Variants in TAGLN3 observed in about 807,000 individuals in gnomAD.
TAGLN3 encodes the protein transgelin-3.
Under a neutral mutation model 25.4 loss-of-function variants are expected in TAGLN3, and 12 were observed. That is an observed-to-expected ratio of 0.47 (90% confidence interval 0.30 to 0.77). The LOEUF is 0.77. TAGLN3 is among the 30% of genes least tolerant of loss of function. The pLI is 0.06. For missense variants in TAGLN3, 218 were observed against 255.8 expected (o/e 0.85, Z 1.01); for synonymous variants, 96 against 94.8 (o/e 1.01, Z -0.08).
intron 3 of TAGLN3, among the ~76,000 whole-genome samples, chr3:112,004,028 T>G (rs2107721316): frequency 6.6e-6 from 1 of 152,322 alleles, no homozygotes; most frequent in East Asian, 1.9e-4. Context: ...ATTGAAGGCT[T>G]TAAAATGAAA....
chr3:112,011,637 T>C (rs187671732), intron 3 of TAGLN3, 126 bp from the exon 4 acceptor site: 2 of 816,758 alleles, frequency 2.4e-6, no homozygotes, highest in East Asian at 5.4e-5. Flanking sequence ...TTGATAGCAC[T>C]GCTCCCTTGA....
At chr3:112,012,524 C>T (rs1188639624) in intron 4 of TAGLN3, among the ~76,000 whole-genome samples, 6 of 151,480 alleles carry the variant, frequency 4.0e-5, no homozygotes, top group African/African-American at 1.5e-4. Flanking sequence ...AGGCAGGAAG[C>T]TTAAACTGGG....
At chr3:111,999,380 GC>G in intron 1 of TAGLN3, 40 bp from the exon 2 acceptor site, 1 of 1,602,898 alleles carries the variant, frequency 6.2e-7, no homozygotes, top group Non-Finnish European at 8.5e-7. Flanking sequence ...TGCTGCTGCT[GC>G]TATTGTGTGG....
At chr3:112,011,392 T>C (rs914777359) in intron 3 of TAGLN3, among the ~76,000 whole-genome samples, 11 of 152,224 alleles carry the variant, frequency 7.2e-5, no homozygotes, top group African/African-American at 1.7e-4. Context: ...TTGTGTCACA[T>C]TGAGTGCTTT....
chr3:112,000,503 A>T, intron 2 of TAGLN3: 1 of 341,360 alleles, frequency 2.9e-6, no homozygotes, highest in Non-Finnish European at 5.3e-6. Flanking sequence ...ATCCAGAAAA[A>T]GGAAGGGAGG....
Position 112,013,701 on chromosome 3 carries a change from C to A in TAGLN3, c.*150C>A. On this transcript the variant is annotated 3_prime_UTR_variant, in exon 5 of 5. Coordinates refer to ENST00000478951, the MANE Select transcript of TAGLN3 (RefSeq NM_001008272.2). The stretch of plus-strand genomic sequence containing the variant: ...CAAGTGCTGCATTTCCGCCGAGAAT[C>A]CGCGTTGCCTACTGCTGCCACCTCC... 8.3e-7 allele frequency: 1 copy of A among 1,205,666 alleles called. No individual in the cohort carries two copies. The highest frequency in any genetic ancestry group is 1.2e-6 in the Non-Finnish European group (1 of 835,072). 74.7% of individuals were successfully genotyped at this position (1,205,666 alleles called of 1,614,324 possible).
In TAGLN3 at chr3:112,013,593, C is replaced by T. The variant is rs1392475449; in HGVS notation, c.*42C>T. 1 of 1,613,540 alleles carries T rather than the reference C, an allele frequency of 6.2e-7. No individual in the cohort carries two copies. The highest frequency in any genetic ancestry group is 2.2e-5 in the East Asian group (1 of 44,858). On this transcript the variant is annotated 3_prime_UTR_variant, in exon 5 of 5. Transcript: ENST00000478951. ...CCTGGTAGAGAGGACGAATGTTCCACACCATGGTCTCTACGAAAAAGAAAT... is the reference window on the plus strand; with the variant it reads ...CCTGGTAGAGAGGACGAATGTTCCATACCATGGTCTCTACGAAAAAGAAAT...
chr3:112,010,114 C>G (rs1197526016), intron 3 of TAGLN3, among the ~76,000 whole-genome samples: 1 of 151,914 alleles, frequency 6.6e-6, no homozygotes, highest in Non-Finnish European at 1.5e-5. Context: ...TTTCTAGATG[C>G]AGGGATACCA....
In TAGLN3 at chr3:112,011,810, G is replaced by T. The variant is rs994723214; in HGVS notation, c.403G>T (p.Val135Phe). The change falls in exon 4 of 5, where the codon GTT becomes TTT. Residue 135 changes from valine (V) to phenylalanine (F), a missense_variant. Val to Phe is a conservative substitution (Grantham distance 50, BLOSUM62 -1). Transcript: ENST00000478951. ...VQRTLMALGS[V>F]AVTKDDGCYR... Reference sequence around the variant, plus strand: ...GAGGACCCTGATGGCTTTAGGCAGCGTTGCAGTCACCAAGGATGATGGCTG... The same window carrying T: ...GAGGACCCTGATGGCTTTAGGCAGCTTTGCAGTCACCAAGGATGATGGCTG... 1.2e-6 allele frequency: 2 copies of T among 1,613,882 alleles called. No individual in the cohort carries two copies. Among genetic ancestry groups the T allele is most frequent in the Admixed American group, 3.3e-5 (2 of 59,996 alleles).
At chr3:112,001,051 G>GT in intron 3 of TAGLN3, 105 bp downstream of exon 3, 2 of 1,007,020 alleles carry the variant, frequency 2.0e-6, no homozygotes, top group Non-Finnish European at 3.0e-6. Flanking sequence ...ATTGATGTGT[G>GT]TAAGATGCTC....
At chr3:112,012,296 CTCCT>C (rs1160641541) in intron 4 of TAGLN3, among the ~76,000 whole-genome samples, 2 of 145,486 alleles carry the variant, frequency 1.4e-5, no homozygotes, top group Non-Finnish European at 3.0e-5. Flanking sequence ...CCCTCCCTCC[CTCCT>C]TCCTTCCTTC....
At chr3:112,010,714 G>A (rs906765126) in intron 3 of TAGLN3, among the ~76,000 whole-genome samples, 8 of 152,192 alleles carry the variant, frequency 5.3e-5, no homozygotes, top group East Asian at 1.9e-4. Flanking sequence ...CAGGATTCAG[G>A]CAATCACCCT....
chr3:112,006,985 G>C (rs547028591), intron 3 of TAGLN3, among the ~76,000 whole-genome samples: 1 of 152,232 alleles, frequency 6.6e-6, no homozygotes, highest in Non-Finnish European at 1.5e-5. Flanking sequence ...AGGGAGCTCT[G>C]TATTGTCAAG....
At chr3:112,007,593 C>T (rs2072931957) in intron 3 of TAGLN3, among the ~76,000 whole-genome samples, 1 of 152,156 alleles carries the variant, frequency 6.6e-6, no homozygotes, top group South Asian at 2.1e-4. Flanking sequence ...TTAGTTGATC[C>T]TTCTTTGAGG....
At chr3:112,002,016 G>A (rs966167190) in intron 3 of TAGLN3, among the ~76,000 whole-genome samples, 1 of 152,208 alleles carries the variant, frequency 6.6e-6, no homozygotes, top group African/African-American at 2.4e-5. Context: ...ATAGGTGAGT[G>A]GTTAAAATCC....
At position 112,011,384 on chromosome 3, in the gene TAGLN3, G is replaced by A. The variant is rs145616929; in HGVS notation, c.356-379G>A. On this transcript the variant is annotated intron_variant, in intron 3 of 4. Transcript: ENST00000478951. ...GCACAAAATAAAGGCCCTATCACTT[G>A]TGTCACATTGAGTGCTTTCTGTGTT... Among the ~76,000 whole-genome samples, 205 of 152,352 alleles carry A rather than the reference G, an allele frequency of 1.3e-3. 1 individual carries two copies. The highest frequency in any genetic ancestry group is 4.4e-3 in the African/African-American group (182 of 41,580).
chr3:111,999,341 C>G (rs2072825595), intron 1 of TAGLN3, 80 bp from the exon 2 acceptor site: 2 of 1,528,920 alleles, frequency 1.3e-6, no homozygotes, highest in African/African-American at 1.4e-5. Context: ...CCAGCCATAT[C>G]CCAGCCCCGT....
At chr3:112,012,220 T>TTCC (rs2072984062) in intron 4 of TAGLN3, among the ~76,000 whole-genome samples, 1 of 108,610 alleles carries the variant, frequency 9.2e-6, no homozygotes, top group African/African-American at 3.8e-5. Flanking sequence ...GCCTGGCTGC[T>TTCC]TCCCTCCCTC....
chr3:112,005,177 G>A (rs537231506), intron 3 of TAGLN3, among the ~76,000 whole-genome samples: 23 of 151,956 alleles, frequency 1.5e-4, no homozygotes, highest in African/African-American at 4.8e-4. Context: ...TTCCCTTCTC[G>A]GTAAACAGTT....
Sources: gnomAD v4.1 joint callset for allele counts (sites outside exome capture counted in the v4.1 genomes callset) on GRCh38, gnomAD v4.1.1 for gene constraint, MANE v1.5 for transcripts, NCBI Gene and HGNC (gene_info 2026-07-23, HGNC 2026-07-21) for gene names.